ELK3: variants seen among roughly 807,000 people sequenced by gnomAD.
ELK3 encodes ETS domain-containing protein Elk-3.
A neutral mutation model predicts 28.9 loss-of-function variants in ELK3; 10 were observed. The observed-to-expected ratio is 0.35, with a 90% confidence interval of 0.21 to 0.59. The LOEUF is 0.59. ELK3 is among the 20% of genes least tolerant of loss of function. The pLI, the probability that ELK3 is intolerant of heterozygous loss-of-function variation, is 0.82. For missense variants in ELK3, 463 were observed against 517.3 expected, an observed-to-expected ratio of 0.90 and a Z score of 1.02; for synonymous variants, 272 against 243.5, an observed-to-expected ratio of 1.12 and a Z score of -1.09.
rs1363962912 is a variant in ELK3, at chr12:96,247,407, A to G, written c.675A>G (p.Leu225=). The change falls in exon 3 of 5, where the codon TTA becomes TTG. Residue 225 remains leucine, a synonymous_variant. Transcript: ENST00000228741. This position sits in a 1 kb window ranked among gnomAD's most constrained non-coding sequence, Gnocchi z 5.5. ...CCGTCTCGGCCAAGATCTCCTCTTT[A>G]ATGTTGCCAAACGCTGCCAGTATTT... ...ASSVSAKISS[L]MLPNAASISS... is the part of the protein sequence containing the mutation. The G allele has an allele frequency of 6.2e-7, 1 of 1,613,966 alleles. No individual in the cohort carries two copies.
At chr12:96,219,213 A>G (rs1020809714) in intron 1 of ELK3, among the ~76,000 whole-genome samples, 1 of 152,216 alleles carries the variant, frequency 6.6e-6, no homozygotes, top group Non-Finnish European at 1.5e-5. Flanking sequence ...TTAAAGTGGC[A>G]TCCAGATAAA....
chr12:96,221,826 A>G (rs1353556051), intron 1 of ELK3, among the ~76,000 whole-genome samples: 1 of 152,258 alleles, frequency 6.6e-6, no homozygotes, highest in South Asian at 2.1e-4. Context: ...CCCTTTAAAG[A>G]GCCCTAAATA....
intron 2 of ELK3, among the ~76,000 whole-genome samples, chr12:96,235,385 C>T (rs572922928): frequency 1.4e-4 from 21 of 152,196 alleles, no homozygotes; most frequent in South Asian, 1.2e-3. Flanking sequence ...GCTGTCATTG[C>T]GTCTCCCTTA....
At chr12:96,208,597 G>A (rs1592670420) in intron 1 of ELK3, among the ~76,000 whole-genome samples, 1 of 152,300 alleles carries the variant, frequency 6.6e-6, no homozygotes, top group Non-Finnish European at 1.5e-5. Context: ...TGCATTGTGA[G>A]AAGCAGGCAC....
intron 3 of ELK3, among the ~76,000 whole-genome samples, chr12:96,257,624 T>C (rs1305969102): frequency 6.6e-6 from 1 of 152,226 alleles, no homozygotes; most frequent in Non-Finnish European, 1.5e-5. Flanking sequence ...CCTTCATTGA[T>C]GGATAAACTA....
chr12:96,262,762 A>T (rs1952002672), intron 4 of ELK3, among the ~76,000 whole-genome samples: 2 of 152,080 alleles, frequency 1.3e-5, no homozygotes, highest in Non-Finnish European at 2.9e-5. Flanking sequence ...GTTACAATTG[A>T]TACATATTCA....
At chr12:96,233,151 TC>T (rs529249622) in intron 2 of ELK3, among the ~76,000 whole-genome samples, 67 of 152,272 alleles carry the variant, frequency 4.4e-4, no homozygotes, top group African/African-American at 1.6e-3. Context: ...TATCACACCT[TC>T]AGCATGAGGT....
At chr12:96,236,315 G>A (rs867094003) in intron 2 of ELK3, among the ~76,000 whole-genome samples, 6 of 152,286 alleles carry the variant, frequency 3.9e-5, no homozygotes, top group Admixed American at 6.5e-5. Flanking sequence ...GTCCTGCCAG[G>A]CCAGCAAGCC....
chr12:96,204,073 C>T (rs1210421727), intron 1 of ELK3, among the ~76,000 whole-genome samples: 2 of 152,124 alleles, frequency 1.3e-5, no homozygotes, highest in Non-Finnish European at 2.9e-5. Context: ...CAGGGTTTGG[C>T]TCTATTGTTG....
intron 3 of ELK3, among the ~76,000 whole-genome samples, chr12:96,249,410 C>G (rs558061080): frequency 2.6e-5 from 4 of 152,152 alleles, no homozygotes; most frequent in African/African-American, 7.2e-5. Flanking sequence ...GCCAGGGGAT[C>G]AGGATATAGG....
intron 3 of ELK3, among the ~76,000 whole-genome samples, chr12:96,253,885 T>C (rs1314185915): frequency 1.3e-5 from 2 of 152,214 alleles, no homozygotes; most frequent in Admixed American, 6.5e-5. Flanking sequence ...GTTAGCAAGA[T>C]AGAAACCGTT....
intron 3 of ELK3, among the ~76,000 whole-genome samples, chr12:96,258,000 T>TA (rs1231834878): frequency 6.6e-6 from 1 of 152,364 alleles, no homozygotes; most frequent in African/African-American, 2.4e-5. Flanking sequence ...GCCAGGCACA[T>TA]ATCTTATAAG....
intron 1 of ELK3, among the ~76,000 whole-genome samples, chr12:96,206,667 C>T (rs183454129): frequency 7.0e-4 from 107 of 152,256 alleles, no homozygotes; most frequent in Admixed American, 1.6e-3. Flanking sequence ...AATATATTCA[C>T]GCTGAACAAT....
At chr12:96,200,706 A>C (rs1467422735) in intron 1 of ELK3, among the ~76,000 whole-genome samples, 1 of 152,110 alleles carries the variant, frequency 6.6e-6, no homozygotes, top group Non-Finnish European at 1.5e-5. Context: ...TCTGTTGCCC[A>C]GGCTGGAGTG....
At chr12:96,223,495 C>T (rs1353323072) in intron 1 of ELK3, 70 bp from the exon 2 acceptor site, 2 of 1,505,522 alleles carry the variant, frequency 1.3e-6, no homozygotes, top group Non-Finnish European at 1.8e-6. Flanking sequence ...ATTCTGAAGC[C>T]CCCTCTCTCC....
At chr12:96,218,742 G>A (rs1444364414) in intron 1 of ELK3, among the ~76,000 whole-genome samples, 1 of 150,296 alleles carries the variant, frequency 6.7e-6, no homozygotes, top group Admixed American at 6.7e-5. Flanking sequence ...TCCACCTCCT[G>A]GGTTCACGCC....
intron 2 of ELK3, among the ~76,000 whole-genome samples, chr12:96,239,623 G>A (rs1211641143): frequency 2.6e-5 from 4 of 152,188 alleles, no homozygotes; most frequent in Non-Finnish European, 4.4e-5. Context: ...TATCTACCAC[G>A]ATAAAATGAG....
In ELK3 at chr12:96,267,254, C is replaced by G. The variant is rs751251774; in HGVS notation, c.*74C>G. On this transcript the variant is annotated 3_prime_UTR_variant, in exon 5 of 5. Coordinates refer to ENST00000228741, the MANE Select transcript of ELK3 (RefSeq NM_005230.4). ...TCCCCACGGGCTAGTTTACCTGTGT[C>G]GTGAGAAGGACATTGTGAAACTCTT... 4.4e-4 allele frequency: 564 copies of G among 1,279,350 alleles called. 3 individuals carry two copies. Among genetic ancestry groups the G allele is most frequent in the Admixed American group, 2.9e-4 (13 of 44,466 alleles). The allele number at this position is 1,279,350 out of a possible 1,614,324, so 79.2% of individuals were successfully genotyped here.
chr12:96,238,187 C>T (rs866704131), intron 2 of ELK3, among the ~76,000 whole-genome samples: 1 of 152,132 alleles, frequency 6.6e-6, no homozygotes, highest in African/African-American at 2.4e-5. Flanking sequence ...GCAGTGTGTA[C>T]GATTAGATTA....
Sources: allele counts gnomAD v4.1 joint callset (sites outside exome capture counted in the v4.1 genomes callset), GRCh38; gene constraint gnomAD v4.1.1; non-coding constraint Gnocchi (gnomAD v3.1); transcripts MANE v1.5; gene names NCBI Gene and HGNC (gene_info 2026-07-23, HGNC 2026-07-21).